Variants in SBF2 observed in about 807,000 individuals in gnomAD.
SBF2 encodes myotubularin-related protein 13.
In SBF2, 112 loss-of-function variants were observed where a neutral mutation model predicts 225.2. That is an observed-to-expected ratio of 0.50 (90% CI 0.43 to 0.58). The LOEUF (loss-of-function observed/expected upper bound fraction) is 0.58, where lower values mean the gene tolerates loss of function less well. SBF2 is among the 20% of genes least tolerant of loss of function. The pLI is 0.00. For synonymous variants in SBF2, 763 were observed against 773.3 expected (o/e 0.99, Z 0.22); for missense variants, 1,996 against 2,206.2 (o/e 0.90, Z 1.91).
chr11:9,869,158 T>C (rs538258683), intron 17 of SBF2, among the ~76,000 whole-genome samples: 2 of 152,362 alleles, frequency 1.3e-5, no homozygotes, highest in South Asian at 2.1e-4. Flanking sequence ...GTTGTTTTTC[T>C]AGTGTCTACC....
chr11:10,145,160 G>A (rs546647908), intron 2 of SBF2, among the ~76,000 whole-genome samples: 5 of 152,312 alleles, frequency 3.3e-5, no homozygotes, highest in South Asian at 4.1e-4. Context: ...TGATGCAACA[G>A]TTTGAGGCTG....
At chr11:9,924,914 A>AT (rs1011388358) in intron 16 of SBF2, among the ~76,000 whole-genome samples, 6 of 151,298 alleles carry the variant, frequency 4.0e-5, no homozygotes, top group Admixed American at 2.6e-4. Flanking sequence ...ATGTCCAGCT[A>AT]TTTTTTTTAT....
At chr11:9,940,413 A>T (rs113723507) in intron 16 of SBF2, among the ~76,000 whole-genome samples, 1,602 of 152,040 alleles carry the variant, frequency 0.011, 25 homozygotes, top group African/African-American at 0.033. Flanking sequence ...TCAAAAAAAA[A>T]TTTTTTTTAA....
At chr11:10,156,804 C>T (rs1490474734) in intron 2 of SBF2, among the ~76,000 whole-genome samples, 1 of 152,192 alleles carries the variant, frequency 6.6e-6, no homozygotes, top group African/African-American at 2.4e-5. Context: ...CCATGCTTAT[C>T]AGAGGAACAA....
At chr11:9,992,278 G>T in intron 12 of SBF2, 137 bp downstream of exon 12, 1 of 635,650 alleles carries the variant, frequency 1.6e-6, no homozygotes, top group Non-Finnish European at 2.5e-6. Flanking sequence ...GATTTGATAA[G>T]CATAATAAAT....
intron 2 of SBF2, among the ~76,000 whole-genome samples, chr11:10,177,721 T>C (rs921310071): frequency 1.6e-4 from 25 of 151,860 alleles, no homozygotes; most frequent in African/African-American, 6.1e-4. Flanking sequence ...GAACATTCCA[T>C]GCTCATGGGT....
intron 17 of SBF2, among the ~76,000 whole-genome samples, chr11:9,873,504 G>C (rs535991006): frequency 1.1e-4 from 17 of 152,296 alleles, no homozygotes; most frequent in Admixed American, 1.1e-3. Flanking sequence ...TCAAGGGATA[G>C]TGGGGGCAGC....
intron 13 of SBF2, among the ~76,000 whole-genome samples, chr11:9,981,174 A>G (rs186664150): frequency 6.6e-6 from 1 of 152,316 alleles, no homozygotes; most frequent in African/African-American, 2.4e-5. Flanking sequence ...ATTAAACAAT[A>G]CCTGTTGTGA....
intron 1 of SBF2, among the ~76,000 whole-genome samples, chr11:10,273,320 G>A (rs1012280413): frequency 2.6e-5 from 4 of 152,140 alleles, no homozygotes; most frequent in Admixed American, 6.5e-5. Flanking sequence ...GGATCTAGAT[G>A]TTTTTGAACT....
chr11:10,079,116 GC>G (rs1487312534), intron 2 of SBF2, among the ~76,000 whole-genome samples: 23 of 152,112 alleles, frequency 1.5e-4, no homozygotes, highest in African/African-American at 5.3e-4. Flanking sequence ...TACCCCATAT[GC>G]AAATGTATCA....
At chr11:10,066,191 G>A (rs1590875338) in intron 2 of SBF2, among the ~76,000 whole-genome samples, 2 of 151,568 alleles carry the variant, frequency 1.3e-5, no homozygotes, top group East Asian at 3.9e-4. Flanking sequence ...CTAAAAAAAC[G>A]GAAAAATATA....
intron 17 of SBF2, among the ~76,000 whole-genome samples, chr11:9,860,644 A>G (rs796176987): frequency 5.9e-5 from 9 of 152,178 alleles, no homozygotes; most frequent in African/African-American, 1.7e-4. Flanking sequence ...AAGAGATTTT[A>G]AAGGCACTAA....
intron 1 of SBF2, among the ~76,000 whole-genome samples, chr11:10,273,680 A>G (rs529640933): frequency 2.9e-4 from 44 of 152,320 alleles, no homozygotes; most frequent in Non-Finnish European, 4.7e-4. Context: ...GCTAAATTAT[A>G]ATGTAGCAGA....
chr11:10,277,264 C>CAAACAAACAAACA (rs1963031710), intron 1 of SBF2, among the ~76,000 whole-genome samples: 1 of 150,084 alleles, frequency 6.7e-6, no homozygotes, highest in South Asian at 2.1e-4. Context: ...AACAAACAAA[C>CAAACAAACAAACA]AAAAAATCAT....
At chr11:9,906,108 T>C (rs1046499526) in intron 16 of SBF2, among the ~76,000 whole-genome samples, 3 of 152,222 alleles carry the variant, frequency 2.0e-5, no homozygotes, top group South Asian at 2.1e-4. Flanking sequence ...CTTAGGACAC[T>C]GCTATGCACA....
rs150651258 is a variant in SBF2, at chr11:9,871,859, A to G, written c.1930-13463T>C. Among the ~76,000 whole-genome samples the G allele has an allele frequency of 5.2e-3, 790 of 152,204 alleles. 7 individuals carry two copies. The highest frequency in any genetic ancestry group is 0.018 in the African/African-American group (753 of 41,512). ...GGTTGCACAGTATAGGAACACTTTT[A>G]CACTGTTGGTGGGAGTGTAAATTAG... On this transcript the variant is annotated intron_variant, in intron 17 of 39. Transcript: ENST00000256190.
chr11:10,174,509 T>G (rs1402982525), intron 2 of SBF2, among the ~76,000 whole-genome samples: 1 of 152,234 alleles, frequency 6.6e-6, no homozygotes, highest in Non-Finnish European at 1.5e-5. Context: ...TATGGGACTA[T>G]GGGAAAAGAC....
intron 2 of SBF2, among the ~76,000 whole-genome samples, chr11:10,143,486 G>A (rs1407975189): frequency 1.3e-5 from 2 of 152,128 alleles, no homozygotes; most frequent in South Asian, 2.1e-4. Context: ...GGAGAAACCA[G>A]CTGGCTCTGT....
intron 13 of SBF2, among the ~76,000 whole-genome samples, chr11:9,977,532 G>A (rs1163036679): frequency 6.6e-6 from 1 of 151,626 alleles, no homozygotes; most frequent in African/African-American, 2.4e-5. Context: ...GGGCAGGGAA[G>A]TAGTTACTTG....
Sources: gnomAD v4.1 joint callset for allele counts (sites outside exome capture counted in the v4.1 genomes callset) on GRCh38, gnomAD v4.1.1 for gene constraint, MANE v1.5 for transcripts, NCBI Gene and HGNC (gene_info 2026-07-23, HGNC 2026-07-21) for gene names.